Variants in PCCB observed in about 807,000 individuals in gnomAD.
PCCB encodes propionyl-CoA carboxylase subunit beta, also known as propionyl-CoA carboxylase beta chain, mitochondrial.
PCCB carries 43 observed loss-of-function variants against 60.7 expected under a neutral mutation model. The observed-to-expected ratio is 0.71, with a 90% CI of 0.55 to 0.91. PCCB has a LOEUF of 0.91. Among genes scored for constraint, PCCB ranks in the 40% least tolerant of loss-of-function variants. PCCB has a pLI of 0.00. For missense variants in PCCB, 766 were observed against 702.8 expected (o/e 1.09, Z -1.02); for synonymous variants, 276 against 255.9 (o/e 1.08, Z -0.75).
At chr3:136,301,613 A>G (rs2108209514) in intron 9 of PCCB, among the ~76,000 whole-genome samples, 1 of 152,000 alleles carries the variant, frequency 6.6e-6, no homozygotes, top group Admixed American at 6.5e-5. Flanking sequence ...TAAAGGGGAC[A>G]GTGTTGGGCA....
Position 136,291,972 on chromosome 3 carries a change from T to C in PCCB, c.655-1784T>C, listed in dbSNP as rs551994206. Among the ~76,000 whole-genome samples the C allele has an allele frequency of 6.6e-5, 10 of 152,240 alleles. No homozygotes were observed. In the South Asian group the frequency reaches 1.7e-3, roughly 25 times the overall value. ...GCCTCCAGCAATTTGTCAGCTATAG[T>C]TCCGGTTTTCCTACATCAGCCCTGG... On this transcript the variant is annotated intron_variant, in intron 6 of 14. Transcript: ENST00000251654.
chr3:136,326,966 A>G lies in PCCB; in HGVS notation c.1198+56A>G, dbSNP rs780715142. On this transcript the variant is annotated intron_variant, in intron 11 of 14. Transcript: ENST00000251654. ...AGTTGCCTTTCCCAGTAAGGTGCCC[A>G]CTTTATTTGGAGATCTTCTTGCAGA... The G allele has an allele frequency of 6.4e-6, 8 of 1,248,144 alleles. No individual in the cohort carries two copies. In the African/African-American group the frequency reaches 8.8e-5, roughly 14 times the overall value. The allele number at this position is 1,248,144 out of a possible 1,614,324, so 77.3% of individuals were successfully genotyped here.
chr3:136,294,909 T>G (rs889619240), intron 7 of PCCB, among the ~76,000 whole-genome samples: 1 of 152,238 alleles, frequency 6.6e-6, no homozygotes, highest in Admixed American at 6.5e-5. Context: ...TGAGCCACCA[T>G]GTCCGGCTAG....
intron 3 of PCCB, among the ~76,000 whole-genome samples, chr3:136,257,782 A>T: frequency 6.6e-6 from 1 of 152,106 alleles, no homozygotes; most frequent in East Asian, 1.9e-4. Context: ...CTAAAAACAC[A>T]AAAATTAGCT....
At chr3:136,320,041 A>G (rs1935055754) in intron 10 of PCCB, among the ~76,000 whole-genome samples, 2 of 152,270 alleles carry the variant, frequency 1.3e-5, no homozygotes, top group South Asian at 4.1e-4. Flanking sequence ...TATTCTTAAC[A>G]CTATTCTGTT....
intron 9 of PCCB, among the ~76,000 whole-genome samples, chr3:136,308,655 A>G (rs1226137329): frequency 6.6e-6 from 1 of 152,250 alleles, no homozygotes; most frequent in Non-Finnish European, 1.5e-5. Context: ...TGAAGTGCAC[A>G]TGGAATATTC....
At chr3:136,272,726 G>A (rs1219161069) in intron 5 of PCCB, among the ~76,000 whole-genome samples, 4 of 151,770 alleles carry the variant, frequency 2.6e-5, no homozygotes, top group Non-Finnish European at 5.9e-5. Context: ...GAGCTTATTT[G>A]GATCTATTCT....
At position 136,307,413 on chromosome 3, in the gene PCCB, AAG is replaced by A. The variant is rs370430168; in HGVS notation, c.966+6307_966+6308del. Among the ~76,000 whole-genome samples, 329 of 152,196 alleles carry A rather than the reference AAG, an allele frequency of 2.2e-3. 2 individuals are homozygous for A. Among genetic ancestry groups the A allele is most frequent in the East Asian group, 9.3e-3 (48 of 5,182 alleles). On this transcript the variant is annotated intron_variant, in intron 9 of 14. Transcript: ENST00000251654. ...AAATGCAACTGAAAAATGGGAGGAG[AAG>A]AGAGGGGAAGAATATTGCAGAATCA...
At chr3:136,291,787 CTT>C (rs958135446) in intron 6 of PCCB, among the ~76,000 whole-genome samples, 1 of 152,100 alleles carries the variant, frequency 6.6e-6, no homozygotes, top group Non-Finnish European at 1.5e-5. Flanking sequence ...TCAGAAGGGT[CTT>C]TTTTTCCCCC....
At chr3:136,274,123 A>G (rs1211527140) in intron 5 of PCCB, among the ~76,000 whole-genome samples, 1 of 151,908 alleles carries the variant, frequency 6.6e-6, no homozygotes, top group Non-Finnish European at 1.5e-5. Context: ...TAGGCCATTT[A>G]CGTTCAACAT....
At chr3:136,273,271 A>C (rs1032531882) in intron 5 of PCCB, among the ~76,000 whole-genome samples, 5 of 152,130 alleles carry the variant, frequency 3.3e-5, no homozygotes, top group Admixed American at 6.5e-5. Context: ...TGTGTTGAGG[A>C]GAAGAATGTA....
rs746964439 is a variant in PCCB, at chr3:136,301,039, G to A, written c.894G>A (p.Leu298=). The A allele has an allele frequency of 6.2e-7, 1 of 1,614,012 alleles. No individual in the cohort carries two copies. The highest frequency in any genetic ancestry group is 8.5e-7 in the Non-Finnish European group (1 of 1,179,906). The change falls in exon 9 of 15, where the codon CTG becomes CTA. Residue 298 remains leucine (L), a synonymous_variant. Transcript: ENST00000251654. ...VRECHDPSDR[L]VPELDTIVPL... is the part of the protein sequence containing the mutation. ...TTTTTTCTGCCTAAAGTGACCGTCT[G>A]GTTCCTGAGCTTGACACAATTGTCC...
chr3:136,327,555 T>C, intron 12 of PCCB, 79 bp from the exon 13 acceptor site: 2 of 1,107,620 alleles, frequency 1.8e-6, no homozygotes, highest in Non-Finnish European at 2.8e-6. Context: ...GTCCCAATTT[T>C]ACCTGGTTTC....
chr3:136,294,675 T>C (rs1933854678), intron 7 of PCCB, among the ~76,000 whole-genome samples: 1 of 151,986 alleles, frequency 6.6e-6, no homozygotes, highest in South Asian at 2.1e-4. Context: ...CAGGACACAG[T>C]GATAGCTCAC....
intron 5 of PCCB, among the ~76,000 whole-genome samples, chr3:136,270,009 T>G (rs115081739): frequency 6.6e-6 from 1 of 150,850 alleles, no homozygotes; most frequent in African/African-American, 2.4e-5. Flanking sequence ...TTTTTTTTTT[T>G]GGACATTCTC....
chr3:136,295,966 C>T (rs1313743751), intron 7 of PCCB, among the ~76,000 whole-genome samples: 1 of 151,590 alleles, frequency 6.6e-6, no homozygotes, highest in East Asian at 1.9e-4. Context: ...GGTTTTCTTT[C>T]TGGGCCTGAG....
chr3:136,290,618 A>G (rs919497084), intron 6 of PCCB, among the ~76,000 whole-genome samples: 1 of 135,440 alleles, frequency 7.4e-6, no homozygotes, highest in Non-Finnish European at 1.5e-5. Flanking sequence ...CCTCAGCCTC[A>G]TGAGTGGCTG....
chr3:136,287,286 A>G (rs955730689), intron 6 of PCCB, among the ~76,000 whole-genome samples: 6 of 152,332 alleles, frequency 3.9e-5, no homozygotes, highest in Middle Eastern at 3.4e-3. Flanking sequence ...AAGTGAAACC[A>G]TATAATATGC....
chr3:136,313,567 A>G (rs1934753291), intron 9 of PCCB, among the ~76,000 whole-genome samples: 1 of 152,230 alleles, frequency 6.6e-6, no homozygotes, highest in African/African-American at 2.4e-5. Context: ...TAATGAGATT[A>G]ATAACAGGGT....
Sources: allele counts gnomAD v4.1 joint callset (sites outside exome capture counted in the v4.1 genomes callset), GRCh38; gene constraint gnomAD v4.1.1; transcripts MANE v1.5; gene names NCBI Gene and HGNC (gene_info 2026-07-23, HGNC 2026-07-21).